AKAP7: variants seen among roughly 807,000 people sequenced by gnomAD.
AKAP7 encodes the protein A-kinase anchoring protein 7, also known as A kinase (PRKA) anchor protein 7.
Under a neutral mutation model 39.5 loss-of-function variants are expected in AKAP7, and 39 were observed. The ratio of observed to expected loss-of-function variants is 0.99; its 90% confidence interval spans 0.76 to 1.29. AKAP7 has a LOEUF of 1.29. AKAP7 is among the 50% of genes most tolerant of loss of function. The pLI is 0.00. For missense variants in AKAP7, 414 were observed against 407.7 expected, an observed-to-expected ratio of 1.02 and a Z score of -0.13; for synonymous variants, 140 against 139.1, an observed-to-expected ratio of 1.01 and a Z score of -0.05.
In AKAP7 at chr6:131,225,666, T is replaced by C. The variant is rs568722237; in HGVS notation, c.850+5858T>C. On this transcript the variant is annotated intron_variant, in intron 7 of 7. Coordinates refer to ENST00000431975, the MANE Select transcript of AKAP7 (RefSeq NM_016377.4). Reference sequence around the variant, plus strand: ...ATTCGTTCATATTTTCTTCTAGTTTTTTTTGTTTTTGTTTTTCCATGTAGG... The same window carrying C: ...ATTCGTTCATATTTTCTTCTAGTTTCTTTTGTTTTTGTTTTTCCATGTAGG... Among the ~76,000 whole-genome samples the C allele has an allele frequency of 2.8e-3, 420 of 152,258 alleles. 2 individuals are homozygous for C. The highest frequency in any genetic ancestry group is 9.7e-3 in the African/African-American group (405 of 41,576).
rs1297767898 is a variant in AKAP7 at position 131,282,185 on chromosome 6, CATA to C, written c.*462_*464del. On this transcript the variant is annotated 3_prime_UTR_variant, in exon 8 of 8. Transcript: ENST00000431975. ...GGAATTGTCATCTGTACAATTAGTCCATAATGTTTCATGTTTGTCCTAAGTGTG... is the reference window on the plus strand; with the variant it reads ...GGAATTGTCATCTGTACAATTAGTCCATGTTTCATGTTTGTCCTAAGTGTG... 1.0e-4 allele frequency: 128 copies of C among 1,270,896 alleles called. No individual in the cohort carries two copies. The highest frequency in any genetic ancestry group is 7.0e-5 in the Non-Finnish European group (71 of 1,011,290). 78.7% of individuals were successfully genotyped at this position (1,270,896 alleles called of 1,614,324 possible).
chr6:131,247,057 G>A (rs1477813135), intron 7 of AKAP7, among the ~76,000 whole-genome samples: 1 of 151,936 alleles, frequency 6.6e-6, no homozygotes, highest in Non-Finnish European at 1.5e-5. Flanking sequence ...TCAGAGAGCT[G>A]TCTTAGAGAT....
intron 1 of AKAP7, chr6:131,137,842 A>C (rs73633151): frequency 6.6e-6 from 1 of 152,130 alleles, no homozygotes; most frequent in Non-Finnish European, 1.5e-5. Context: ...AATGAGAAAC[A>C]TGAATATATT....
At chr6:131,165,043 C>G in intron 3 of AKAP7, 38 bp from the exon 4 acceptor site, 1 of 1,487,516 alleles carries the variant, frequency 6.7e-7, no homozygotes, top group Non-Finnish European at 9.0e-7. Context: ...CTTACCTAAT[C>G]ACTGGAATTT....
intron 5 of AKAP7, among the ~76,000 whole-genome samples, chr6:131,174,542 A>G (rs1804392882): frequency 6.6e-6 from 1 of 152,258 alleles, no homozygotes; most frequent in South Asian, 2.1e-4. Flanking sequence ...ACAGTGAGCC[A>G]TGATTGTGCC....
chr6:131,263,818 G>A (rs1015377035), intron 7 of AKAP7, among the ~76,000 whole-genome samples: 1 of 152,146 alleles, frequency 6.6e-6, no homozygotes, highest in Non-Finnish European at 1.5e-5. Context: ...GTGGCCTAGA[G>A]CCCTGGAGTG....
intron 6 of AKAP7, among the ~76,000 whole-genome samples, chr6:131,213,601 G>GA (rs1403321119): frequency 6.6e-6 from 1 of 152,184 alleles, no homozygotes; most frequent in African/African-American, 2.4e-5. Context: ...GGAGTTTGAT[G>GA]AAAGGGAGTT....
At chr6:131,262,251 G>A (rs951323344) in intron 7 of AKAP7, among the ~76,000 whole-genome samples, 15 of 152,140 alleles carry the variant, frequency 9.9e-5, no homozygotes, top group African/African-American at 3.1e-4. Flanking sequence ...TTCCCTTTGC[G>A]CAGCTGTCCA....
In AKAP7 at chr6:131,282,455, A is replaced by T. The variant is rs1815282411; in HGVS notation, c.*729A>T. 6.5e-7 allele frequency: 1 copy of T among 1,531,802 alleles called. No individual in the cohort carries two copies. Among genetic ancestry groups the T allele is most frequent in the South Asian group, 1.2e-5 (1 of 83,094 alleles). The allele number at this position is 1,531,802 out of a possible 1,614,324, so 94.9% of individuals were successfully genotyped here. A position where few individuals can be genotyped will look rare whatever the true frequency, so the allele number is the denominator to read the frequency against. ...TAATGAAGCTTTGCATCGAGAAACG[A>T]TGGGTCTGAAGTCCAAAGTGAAACA... On this transcript the variant is annotated 3_prime_UTR_variant, in exon 8 of 8. Coordinates refer to ENST00000431975, the MANE Select transcript of AKAP7 (RefSeq NM_016377.4).
At chr6:131,219,849 A>AT (rs973755797) in intron 7 of AKAP7, 41 bp downstream of exon 7, 5 of 1,354,692 alleles carry the variant, frequency 3.7e-6, no homozygotes, top group Admixed American at 3.0e-5. Context: ...TTTATTTTTA[A>AT]TTTTTTTGGC....
At position 131,173,216 on chromosome 6, in the gene AKAP7, A is replaced by AC. The variant is rs1400965155; in HGVS notation, c.589+3943_589+3944insC. Among the ~76,000 whole-genome samples the AC allele has an allele frequency of 1.7e-3, 250 of 145,702 alleles. 1 individual carries two copies. The highest frequency in any genetic ancestry group is 6.0e-3 in the African/African-American group (238 of 39,794). On this transcript the variant is annotated intron_variant, in intron 5 of 7. Coordinates refer to ENST00000431975, the MANE Select transcript of AKAP7 (RefSeq NM_016377.4). ...ACTCCATCTCAAAAAAAAAAAAAAAAGAAAAAAGAAAAAATTCTTTTTAAT... is the reference window on the plus strand; with the variant it reads ...ACTCCATCTCAAAAAAAAAAAAAAAACGAAAAAAGAAAAAATTCTTTTTAAT...
chr6:131,244,102 AG>A (rs1261171764), intron 7 of AKAP7, among the ~76,000 whole-genome samples: 1 of 152,020 alleles, frequency 6.6e-6, no homozygotes, highest in Non-Finnish European at 1.5e-5. Flanking sequence ...GCTTGAAAAA[AG>A]GTCAGACTGT....
chr6:131,207,535 A>G (rs1249156204), intron 6 of AKAP7, among the ~76,000 whole-genome samples: 6 of 83,020 alleles, frequency 7.2e-5, no homozygotes, highest in Non-Finnish European at 1.4e-4. Context: ...GGGTGTTGCT[A>G]TGTTGCCCAG....
intron 7 of AKAP7, among the ~76,000 whole-genome samples, chr6:131,222,925 C>T (rs1809835441): frequency 6.6e-6 from 1 of 152,158 alleles, no homozygotes; most frequent in African/African-American, 2.4e-5. Context: ...TAAGAAATTG[C>T]CACAACCACT....
chr6:131,131,509 T>C (rs1405278864), upstream of AKAP7, among the ~76,000 whole-genome samples: 1 of 151,946 alleles, frequency 6.6e-6, no homozygotes, highest in Non-Finnish European at 1.5e-5. Context: ...AGTGCTGCTT[T>C]ATTTTTTGAC....
chr6:131,161,749 A>G (rs1391395090), intron 3 of AKAP7, among the ~76,000 whole-genome samples: 1 of 151,172 alleles, frequency 6.6e-6, no homozygotes, highest in African/African-American at 2.4e-5. Context: ...GTAATCAGCA[A>G]TTATACATTT....
At chr6:131,155,419 A>C (rs1466768454) in intron 2 of AKAP7, among the ~76,000 whole-genome samples, 1 of 152,188 alleles carries the variant, frequency 6.6e-6, no homozygotes, top group African/African-American at 2.4e-5. Flanking sequence ...TTCAGGTCTT[A>C]TTACTCTAAA....
chr6:131,204,542 C>T (rs982382876), intron 6 of AKAP7, among the ~76,000 whole-genome samples: 2 of 152,146 alleles, frequency 1.3e-5, no homozygotes, highest in African/African-American at 4.8e-5. Flanking sequence ...CTCTCTTAGC[C>T]CATGATTTTT....
chr6:131,265,377 C>T (rs538813101), intron 7 of AKAP7, among the ~76,000 whole-genome samples: 7 of 152,266 alleles, frequency 4.6e-5, no homozygotes, highest in East Asian at 1.9e-4. Flanking sequence ...TCAAGTGATC[C>T]GCCCGCCTCA....
Sources: gnomAD v4.1 joint callset for allele counts (sites outside exome capture counted in the v4.1 genomes callset) on GRCh38, gnomAD v4.1.1 for gene constraint, MANE v1.5 for transcripts, NCBI Gene and HGNC (gene_info 2026-07-23, HGNC 2026-07-21) for gene names.